Variants in C1orf87 observed in about 807,000 individuals in gnomAD.
C1orf87 encodes the protein chromosome 1 open reading frame 87.
C1orf87 carries 58 observed loss-of-function variants against 60.5 expected under a neutral mutation model. The observed-to-expected ratio is 0.96, with a 90% CI of 0.78 to 1.19. The LOEUF (loss-of-function observed/expected upper bound fraction) is 1.19. C1orf87 is among the 50% of genes most tolerant of loss of function. C1orf87 has a pLI of 0.00. For missense variants in C1orf87, 673 were observed against 638.6 expected (o/e 1.05, Z -0.58); for synonymous variants, 236 against 227.4 (o/e 1.04, Z -0.34).
intron 5 of C1orf87, among the ~76,000 whole-genome samples, chr1:60,038,629 C>T (rs536093835): frequency 6.6e-5 from 10 of 152,088 alleles, no homozygotes; most frequent in East Asian, 1.9e-4. Context: ...CTCTCCCCAC[C>T]GCTGCCCCCA....
intron 3 of C1orf87, among the ~76,000 whole-genome samples, chr1:60,045,625 C>G (rs1645360192): frequency 6.6e-6 from 1 of 152,172 alleles, no homozygotes; most frequent in African/African-American, 2.4e-5. Flanking sequence ...TGAGCCCAGA[C>G]AGTGTGTTAT....
At chr1:60,028,932 C>G (rs1645217922) in intron 7 of C1orf87, among the ~76,000 whole-genome samples, 1 of 151,856 alleles carries the variant, frequency 6.6e-6, no homozygotes, top group Non-Finnish European at 1.5e-5. Flanking sequence ...AATGAGTGCT[C>G]TCCTCAGCCT....
chr1:60,054,811 G>C (rs1645441184), intron 3 of C1orf87, among the ~76,000 whole-genome samples: 1 of 152,094 alleles, frequency 6.6e-6, no homozygotes, highest in East Asian at 1.9e-4. Flanking sequence ...AATTAGACAT[G>C]GTTGCATTGT....
chr1:60,010,393 T>C lies in C1orf87; in HGVS notation c.1191A>G (p.Thr397=). 6.2e-7 allele frequency: 1 copy of C among 1,612,046 alleles called. No homozygotes were observed. Among genetic ancestry groups the C allele is most frequent in the Non-Finnish European group, 8.5e-7 (1 of 1,178,566 alleles). The part of the protein sequence containing the change: ...ASSDLLSDLP[T]GKNEKKAPAP... ...GAGCAAAAAAATAATGGAACTCACC[T>C]GTAGGCAAATCAGATAACAAATCAG... Residue 397 remains threonine (T), a splice_region_variant and synonymous_variant, in exon 9 of 12, where the codon ACA becomes ACG. Coordinates refer to ENST00000371201, the MANE Select transcript of C1orf87 (RefSeq NM_152377.3).
At chr1:60,045,474 T>C (rs2100303988) in intron 3 of C1orf87, among the ~76,000 whole-genome samples, 1 of 152,356 alleles carries the variant, frequency 6.6e-6, no homozygotes, top group Non-Finnish European at 1.5e-5. Context: ...ATTTTAAAAC[T>C]TTTAATTTTG....
chr1:60,035,385 G>A (rs1034261938), intron 6 of C1orf87, among the ~76,000 whole-genome samples: 1 of 152,194 alleles, frequency 6.6e-6, no homozygotes, highest in African/African-American at 2.4e-5. Context: ...CTTCTTAGAA[G>A]GCCTGTTGCA....
chr1:60,002,805 A>G (rs1210592154), intron 9 of C1orf87, among the ~76,000 whole-genome samples: 1 of 151,628 alleles, frequency 6.6e-6, no homozygotes, highest in Non-Finnish European at 1.5e-5. Flanking sequence ...GGCAATCATT[A>G]AAAAGTCAGG....
intron 2 of C1orf87, among the ~76,000 whole-genome samples, chr1:60,068,992 A>G (rs1645566721): frequency 6.6e-6 from 1 of 152,188 alleles, no homozygotes; most frequent in South Asian, 2.1e-4. Context: ...CTTGGCAGCC[A>G]TGTCACTCTA....
intron 9 of C1orf87, among the ~76,000 whole-genome samples, chr1:60,004,392 G>A (rs1645028049): frequency 1.3e-5 from 2 of 151,858 alleles, no homozygotes; most frequent in African/African-American, 2.4e-5. Flanking sequence ...TAAGCAAATC[G>A]AGCTTCCCCA....
chr1:60,030,539 C>T (rs1411448062), intron 7 of C1orf87, among the ~76,000 whole-genome samples: 1 of 152,162 alleles, frequency 6.6e-6, no homozygotes, highest in African/African-American at 2.4e-5. Context: ...TTAAAACAAC[C>T]TATGTTCTAG....
At chr1:60,061,075 C>T (rs1353367252) in intron 2 of C1orf87, among the ~76,000 whole-genome samples, 2 of 152,224 alleles carry the variant, frequency 1.3e-5, no homozygotes, top group African/African-American at 4.8e-5. Flanking sequence ...GCAGCATAAA[C>T]AGTTCTGTCT....
intron 3 of C1orf87, among the ~76,000 whole-genome samples, chr1:60,046,316 C>T (rs1408261685): frequency 1.6e-5 from 2 of 128,292 alleles, no homozygotes; most frequent in African/African-American, 2.8e-5. Flanking sequence ...CCCTCCCCTA[C>T]CCTCCCTCCC....
Position 60,055,211 on chromosome 1 carries a change from T to C in C1orf87, c.335A>G (p.Asp112Gly). Residue 112 changes from aspartate to glycine, a missense_variant, in exon 3 of 12, where the codon GAT becomes GGT. Asp to Gly is a moderately conservative substitution (Grantham distance 94). Coordinates refer to ENST00000371201, the MANE Select transcript of C1orf87 (RefSeq NM_152377.3). ...LTGANSSRFL[D>G]GNIPSQANVH... is the part of the protein sequence containing the mutation. ...GTATTTTTTGTCACTCACATTGCCA[T>C]CCAGGAATCTGCTACTGTTTGCCCC... The C allele has an allele frequency of 1.2e-6, 2 of 1,611,990 alleles. No individual in the cohort carries two copies. Among genetic ancestry groups the C allele is most frequent in the Non-Finnish European group, 8.5e-7 (1 of 1,178,090 alleles).
chr1:59,994,204 T>A (rs186532735), intron 11 of C1orf87, among the ~76,000 whole-genome samples: 1 of 152,246 alleles, frequency 6.6e-6, no homozygotes, highest in African/African-American at 2.4e-5. Flanking sequence ...GTGAAGAGAA[T>A]GTAAGTGACT....
chr1:60,025,316 C>G, intron 8 of C1orf87, 85 bp downstream of exon 8: 6 of 1,096,916 alleles, frequency 5.5e-6, no homozygotes, highest in Non-Finnish European at 8.1e-6. Flanking sequence ...CAAAAACCAT[C>G]ATATTTGAAG....
chr1:60,058,684 G>A (rs970413504), intron 2 of C1orf87, among the ~76,000 whole-genome samples: 2 of 152,136 alleles, frequency 1.3e-5, no homozygotes, highest in South Asian at 2.1e-4. Flanking sequence ...GATGTGATTG[G>A]CCTAACTCTA....
chr1:60,033,596 A>C lies in C1orf87; in HGVS notation c.909T>G (p.Ser303Arg). The C allele has an allele frequency of 6.2e-7, 1 of 1,612,128 alleles. No individual in the cohort carries two copies. Among genetic ancestry groups the C allele is most frequent in the Non-Finnish European group, 8.5e-7 (1 of 1,179,156 alleles). ...HSSSQPEVNR[S>R]LLEILKMALR... ...GTGCCATCTTCAAAATCTCCAACAG[A>C]CTCCTGTTCACTTCTGGCTGTGAGC... Residue 303 changes from serine to arginine, a missense_variant, in exon 7 of 12, where the codon AGT (serine) becomes AGG (arginine). Ser to Arg is a moderately radical substitution (Grantham distance 110, BLOSUM62 -1). Transcript: ENST00000371201.
At chr1:59,998,104 CT>C (rs1466556658) in intron 10 of C1orf87, among the ~76,000 whole-genome samples, 1 of 145,982 alleles carries the variant, frequency 6.9e-6, no homozygotes, top group Non-Finnish European at 1.5e-5. Context: ...CTGACTGAGG[CT>C]TTTCATGATG....
chr1:60,012,024 A>C (rs927654403), intron 8 of C1orf87, among the ~76,000 whole-genome samples: 4 of 152,070 alleles, frequency 2.6e-5, no homozygotes, highest in African/African-American at 9.7e-5. Flanking sequence ...ACTTTTGAGG[A>C]ATATTAATAA....
Sources: gnomAD v4.1 joint callset for allele counts (sites outside exome capture counted in the v4.1 genomes callset) on GRCh38, gnomAD v4.1.1 for gene constraint, MANE v1.5 for transcripts, NCBI Gene and HGNC (gene_info 2026-07-23, HGNC 2026-07-21) for gene names.